Variants in SLC3A1 observed in about 807,000 individuals in gnomAD.
SLC3A1 encodes the protein amino acid transporter heavy chain SLC3A1.
Under a neutral mutation model 60.3 loss-of-function variants are expected in SLC3A1, and 78 were observed. That is an observed-to-expected ratio of 1.29 (90% CI 1.08 to 1.56). SLC3A1 has a LOEUF of 1.56. Among genes scored for constraint, SLC3A1 ranks in the 40% most tolerant of loss-of-function variants. SLC3A1 has a pLI of 0.00. For missense variants in SLC3A1, 1,172 were observed against 858.9 expected, an observed-to-expected ratio of 1.36 and a Z score of -4.56; for synonymous variants, 392 against 307.9, an observed-to-expected ratio of 1.27 and a Z score of -2.86.
chr2:44,320,279 C>A lies in SLC3A1; in HGVS notation c.1698C>A (p.Asn566Lys). The A allele has an allele frequency of 1.2e-6, 2 of 1,614,056 alleles. No individual in the cohort carries two copies. Among genetic ancestry groups the A allele is most frequent in the East Asian group, 2.2e-5 (1 of 44,886 alleles). Reference protein sequence around the residue: ...SLLHANELLLNRGWFCHLRND... With the variant: ...SLLHANELLLKRGWFCHLRND... ...TTCATGCCAATGAGCTACTCCTCAA[C>A]AGGGGCTGGTTTTGCCATTTGAGGA... Residue 566 changes from asparagine to lysine, a missense_variant, in exon 10 of 10, where the codon AAC (asparagine) becomes AAA (lysine). Transcript: ENST00000260649.
chr2:44,318,283 T>C, intron 9 of SLC3A1: 1 of 273,214 alleles, frequency 3.7e-6, no homozygotes. Flanking sequence ...GTAGAGATGG[T>C]GTTTCACCAT....
intron 4 of SLC3A1, among the ~76,000 whole-genome samples, chr2:44,295,287 C>T (rs148115002): frequency 9.2e-5 from 14 of 152,248 alleles, no homozygotes; most frequent in East Asian, 1.9e-4. Context: ...ACCAGGAGTG[C>T]GTGATGTCAT....
At chr2:44,314,033 T>A (rs1464643196) in intron 9 of SLC3A1, 82 bp downstream of exon 9, 1 of 1,598,626 alleles carries the variant, frequency 6.3e-7, no homozygotes, top group Non-Finnish European at 8.5e-7. Flanking sequence ...ACCCTGAATG[T>A]GTCTAAACCT....
intron 7 of SLC3A1, among the ~76,000 whole-genome samples, chr2:44,309,031 C>G (rs535297594): frequency 3.4e-4 from 52 of 152,246 alleles, no homozygotes; most frequent in Admixed American, 2.9e-3. Context: ...TGTGCCTGGC[C>G]TTCTGAGGAA....
rs146530823 is a variant in SLC3A1 at position 44,310,156 on chromosome 2, G to A, written c.1333-2430G>A. 9.4e-4 allele frequency among the ~76,000 whole-genome samples: 143 copies of A among 152,264 alleles called. 1 individual carries two copies. The highest frequency in any genetic ancestry group is 3.1e-3 in the African/African-American group (128 of 41,542). On this transcript the variant is annotated intron_variant, in intron 7 of 9. Coordinates refer to ENST00000260649, the MANE Select transcript of SLC3A1 (RefSeq NM_000341.4). ...TGATCTTCCCACCTTGGCCCTTAAA[G>A]TGTTAGGATTACAGGTGTGAGCCAC...
chr2:44,300,033 C>T lies in SLC3A1; in HGVS notation c.954C>T (p.Phe318=), dbSNP rs1157219790. The stretch of plus-strand genomic sequence containing the variant: ...GTTTTAGTTTGGATGCTGTTAAATT[C>T]CTCCTAGAAGCAAAGCACCTGAGAG... ...VDGFSLDAVK[F]LLEAKHLRDE... The change falls in exon 5 of 10, where the codon TTC becomes TTT. Residue 318 remains phenylalanine (F), a synonymous_variant. Transcript: ENST00000260649. 2 of 1,613,522 alleles carry T rather than the reference C, an allele frequency of 1.2e-6. No homozygotes were observed. Among genetic ancestry groups the T allele is most frequent in the Non-Finnish European group, 1.7e-6 (2 of 1,179,512 alleles).
chr2:44,275,881 G>T lies in SLC3A1; in HGVS notation c.346G>T (p.Asp116Tyr), dbSNP rs774693024. 1 of 1,614,238 alleles carries T rather than the reference G, an allele frequency of 6.2e-7. No individual in the cohort carries two copies. The highest frequency in any genetic ancestry group is 1.1e-5 in the South Asian group (1 of 91,088). Residue 116 changes from aspartate (D) to tyrosine (Y), a missense_variant, in exon 1 of 10, where the codon GAC becomes TAC. Physicochemically the swap from Asp to Tyr is radical, Grantham distance 160. Coordinates refer to ENST00000260649, the MANE Select transcript of SLC3A1 (RefSeq NM_000341.4). ...CATTGCCCTCTCTCCAAAGTGCCTA[G>T]ACTGGTGGCAGGAGGGGCCCATGTA... ...AIIALSPKCLDWWQEGPMYQI... is the reference protein window; with the variant it reads ...AIIALSPKCLYWWQEGPMYQI...
downstream of SLC3A1, chr2:44,321,816 T>C: frequency 6.2e-7 from 1 of 1,613,798 alleles, no homozygotes; most frequent in Non-Finnish European, 8.5e-7. Flanking sequence ...GAGAGGGCCT[T>C]GATAACATAC....
intron 9 of SLC3A1, chr2:44,317,729 GAAA>G (rs1029534284): frequency 2.0e-5 from 3 of 151,408 alleles, no homozygotes; most frequent in Non-Finnish European, 4.4e-5. Flanking sequence ...AATACTAGAA[GAAA>G]AAAATTATAC....
At chr2:44,276,252 T>G (rs1291519366) in intron 1 of SLC3A1, among the ~76,000 whole-genome samples, 1 of 152,212 alleles carries the variant, frequency 6.6e-6, no homozygotes, top group Admixed American at 6.5e-5. Flanking sequence ...AATTCTAACT[T>G]CTTAGAGCAG....
intron 2 of SLC3A1, 21 bp downstream of exon 2, chr2:44,280,916 G>C: frequency 6.2e-7 from 1 of 1,606,660 alleles, no homozygotes; most frequent in South Asian, 1.1e-5. Context: ...TGGAAAGTGG[G>C]CAAGATGGGG....
chr2:44,300,025 G>C lies in SLC3A1; in HGVS notation c.946G>C (p.Val316Leu). ...TGTTGATGGTTTTAGTTTGGATGCTGTTAAATTCCTCCTAGAAGCAAAGCA... is the reference window on the plus strand; with the variant it reads ...TGTTGATGGTTTTAGTTTGGATGCTCTTAAATTCCTCCTAGAAGCAAAGCA... ...KGVDGFSLDA[V>L]KFLLEAKHLR... Residue 316 changes from valine (V) to leucine (L), a missense_variant, in exon 5 of 10, where the codon GTT becomes CTT. Transcript: ENST00000260649. 1 of 1,613,724 alleles carries C rather than the reference G, an allele frequency of 6.2e-7. No individual in the cohort carries two copies.
intron 4 of SLC3A1, among the ~76,000 whole-genome samples, chr2:44,295,480 C>G (rs549427255): frequency 5.3e-5 from 8 of 152,108 alleles, no homozygotes; most frequent in South Asian, 2.1e-4. Flanking sequence ...CTTTTCCCTC[C>G]TGGTTGAGAG....
At chr2:44,306,981 CTAGCAA>C (rs1672173957) in intron 7 of SLC3A1, among the ~76,000 whole-genome samples, 1 of 152,200 alleles carries the variant, frequency 6.6e-6, no homozygotes, top group African/African-American at 2.4e-5. Context: ...CACATCTCCA[CTAGCAA>C]TAACTGCGCA....
intron 4 of SLC3A1, among the ~76,000 whole-genome samples, chr2:44,288,995 C>T (rs1671678792): frequency 6.6e-6 from 1 of 151,640 alleles, no homozygotes; most frequent in Non-Finnish European, 1.5e-5. Flanking sequence ...CCACCATGCC[C>T]AACTAATTTT....
At chr2:44,276,285 C>T (rs1558450707) in intron 1 of SLC3A1, among the ~76,000 whole-genome samples, 4 of 152,138 alleles carry the variant, frequency 2.6e-5, no homozygotes, top group African/African-American at 9.7e-5. Context: ...AATCTATGTC[C>T]TGTTTCTGGG....
chr2:44,299,477 T>C (rs1368788671), intron 4 of SLC3A1, among the ~76,000 whole-genome samples: 1 of 152,236 alleles, frequency 6.6e-6, no homozygotes. Context: ...TCCATATTAC[T>C]CCTAGCAGGA....
chr2:44,305,413 C>A (rs974092759), intron 7 of SLC3A1, among the ~76,000 whole-genome samples: 115 of 146,976 alleles, frequency 7.8e-4, no homozygotes, highest in African/African-American at 2.8e-3. Flanking sequence ...TAAAAGACAA[C>A]CTTTCTTTTC....
intron 7 of SLC3A1, among the ~76,000 whole-genome samples, chr2:44,310,904 C>A (rs747462060): frequency 6.6e-6 from 1 of 151,716 alleles, no homozygotes; most frequent in African/African-American, 2.4e-5. Context: ...GCTCAATTTT[C>A]CCATCTCAGC....
Sources: allele counts gnomAD v4.1 joint callset (sites outside exome capture counted in the v4.1 genomes callset), GRCh38; gene constraint gnomAD v4.1.1; transcripts MANE v1.5; gene names NCBI Gene and HGNC (gene_info 2026-07-23, HGNC 2026-07-21).